The following TEAD3 variants were observed in gnomAD, a reference collection of about 807,000 sequenced individuals.
TEAD3 encodes the protein transcriptional enhancer factor TEF-5.
A neutral mutation model predicts 55.6 loss-of-function variants in TEAD3; 15 were observed. The ratio of observed to expected loss-of-function variants is 0.27; its 90% CI spans 0.18 to 0.42. The LOEUF (loss-of-function observed/expected upper bound fraction) is 0.42. TEAD3 is among the 10% of genes least tolerant of loss of function. The pLI, the probability that TEAD3 is intolerant of heterozygous loss-of-function variation, is 1.00. For missense variants in TEAD3, 407 were observed against 576.8 expected (o/e 0.71, Z 3.01); for synonymous variants, 210 against 232.2 (o/e 0.90, Z 0.87).
rs1296810993 is a variant in TEAD3, at chr6:35,488,454, C to T, written c.-49-1743G>A. On this transcript the variant is annotated intron_variant, in intron 1 of 12. Coordinates refer to ENST00000639578, the Ensembl canonical transcript of TEAD3. The surrounding 1 kb of genome is among the most constrained non-coding windows in gnomAD (Gnocchi z 4.2). ...TCCAATGTATTCAGGGTCCTGGAAA[C>T]CTAAGAGCCCATGATGGCTGGATCC... Among the ~76,000 whole-genome samples, 1 of 152,084 alleles carries T rather than the reference C, an allele frequency of 6.6e-6. No homozygotes were observed. Among genetic ancestry groups the T allele is most frequent in the Non-Finnish European group, 1.5e-5 (1 of 68,030 alleles).
In TEAD3 at chr6:35,475,931, A is replaced by G; in HGVS notation, c.888T>C (p.Leu296=). 3.3e-6 allele frequency: 5 copies of G among 1,530,880 alleles called. No homozygotes were observed. Among genetic ancestry groups the G allele is most frequent in the Non-Finnish European group, 4.4e-6 (5 of 1,141,628 alleles). 94.8% of individuals were successfully genotyped at this position (1,530,880 alleles called of 1,614,324 possible). A position where few individuals can be genotyped will look rare whatever the true frequency, so the allele number is the denominator to read the frequency against. ...CAGGGGGACTCACCCAGAACTTGAC[A>G]AGGAAGAAGGCATTAGGGGGCCCCT... The change falls in exon 10 of 13, where the codon CTT becomes CTC. Residue 296 remains leucine, a synonymous_variant. Coordinates refer to ENST00000639578, the Ensembl canonical transcript of TEAD3. This position sits in a 1 kb window ranked among gnomAD's most constrained non-coding sequence, Gnocchi z 5.4.
chr6:35,495,862 A>T (rs1243065405), intron 1 of TEAD3, among the ~76,000 whole-genome samples: 1 of 152,208 alleles, frequency 6.6e-6, no homozygotes, highest in African/African-American at 2.4e-5. Context: ...CAACAAGTCC[A>T]GGCCTGACCT....
intron 1 of TEAD3, among the ~76,000 whole-genome samples, chr6:35,489,120 T>C (rs1193494329): frequency 6.6e-6 from 1 of 152,232 alleles, no homozygotes; most frequent in African/African-American, 2.4e-5. Flanking sequence ...TTGTAATTAT[T>C]CTAAACTATT....
rs9470039 is a variant in TEAD3 at position 35,481,458 on chromosome 6, C to T, written c.268-1336G>A. 5.4e-3 allele frequency among the ~76,000 whole-genome samples: 829 copies of T among 152,260 alleles called. 5 individuals carry two copies. Among genetic ancestry groups the T allele is most frequent in the African/African-American group, 0.017 (689 of 41,536 alleles). On this transcript the variant is annotated intron_variant, in intron 3 of 12. Transcript: ENST00000639578. ...CTGACAGTGAGTAAGTATGTGATAC[C>T]ACCTGGTTAGGACCTGGGTGGGTGC...
chr6:35,478,856 T>C (rs1306831067), intron 5 of TEAD3, among the ~76,000 whole-genome samples: 1 of 151,600 alleles, frequency 6.6e-6, no homozygotes, highest in Non-Finnish European at 1.5e-5. Context: ...TCTTACTGTA[T>C]GTCATGTACT....
chr6:35,480,295 C>T lies in TEAD3; in HGVS notation c.268-173G>A, dbSNP rs748382382. ...GGCCCAGGAGGGCTGAAGGCCCCCG[C>T]CAGGCACCCAACATACCTTGATGCC... On this transcript the variant is annotated intron_variant, in intron 3 of 12. Transcript: ENST00000639578. The T allele has an allele frequency of 6.2e-7, 1 of 1,613,036 alleles. No individual in the cohort carries two copies.
chr6:35,478,353 C>T (rs1041273827), intron 6 of TEAD3, 29 bp from the exon 7 acceptor site: 2 of 1,613,648 alleles, frequency 1.2e-6, no homozygotes, highest in African/African-American at 2.7e-5. Context: ...GCCCAGGGGC[C>T]CCTCAGCATC....
Position 35,483,281 on chromosome 6 carries a change from G to C in TEAD3, c.267+1279C>G, listed in dbSNP as rs1454431006. On this transcript the variant is annotated intron_variant, in intron 3 of 12. Coordinates refer to ENST00000639578, the Ensembl canonical transcript of TEAD3. The surrounding 1 kb of genome is among the most constrained non-coding windows in gnomAD (Gnocchi z 4.5). ...AGAACCTTCCTTTGAGAAAGAGGTG[G>C]AACAGGCCAGACTTGACATATGCAC... is the stretch of plus-strand genomic sequence containing the variant. 2.6e-5 allele frequency among the ~76,000 whole-genome samples: 4 copies of C among 152,166 alleles called. No homozygotes were observed. Among genetic ancestry groups the C allele is most frequent in the African/African-American group, 7.2e-5 (3 of 41,430 alleles).
Position 35,483,286 on chromosome 6 carries a change from G to C in TEAD3, c.267+1274C>G, listed in dbSNP as rs1768299088. ...CTTCCTTTGAGAAAGAGGTGGAACA[G>C]GCCAGACTTGACATATGCACCATGG... On this transcript the variant is annotated intron_variant, in intron 3 of 12. Transcript: ENST00000639578. This position sits in a 1 kb window ranked among gnomAD's most constrained non-coding sequence, Gnocchi z 4.5. 6.6e-6 allele frequency among the ~76,000 whole-genome samples: 1 copy of C among 152,186 alleles called. No homozygotes were observed. Among genetic ancestry groups the C allele is most frequent in the Non-Finnish European group, 1.5e-5 (1 of 68,026 alleles).
At chr6:35,478,308 G>C (rs1404259996) in exon 7 of TEAD3, 2 of 1,613,810 alleles carry the variant, frequency 1.2e-6, no homozygotes, top group Non-Finnish European at 1.7e-6. Context: ...TCCCAGGAGA[G>C]GGGGGCTGCT....
intron 1 of TEAD3, among the ~76,000 whole-genome samples, chr6:35,490,428 C>A (rs925482278): frequency 6.6e-6 from 1 of 152,160 alleles, no homozygotes; most frequent in Non-Finnish European, 1.5e-5. Flanking sequence ...TAGACGCATG[C>A]GAGACTCACT....
chr6:35,485,154 A>G lies in TEAD3; in HGVS notation c.203-530T>C, dbSNP rs112709229. 0.014 allele frequency among the ~76,000 whole-genome samples: 2,164 copies of G among 152,268 alleles called. 59 individuals are homozygous for G. Among genetic ancestry groups the G allele is most frequent in the African/African-American group, 0.046 (1,915 of 41,538 alleles). On this transcript the variant is annotated intron_variant, in intron 2 of 12. Transcript: ENST00000639578. This position sits in a 1 kb window ranked among gnomAD's most constrained non-coding sequence, Gnocchi z 4.3. ...GGTCAAGTCCCTTCCCTTCTCTGGT[A>G]AAAGACCAGGAAGGACAGGAAGGCA...
chr6:35,476,161 C>G (rs994733250), intron 9 of TEAD3, 69 bp from the exon 10 acceptor site: 2 of 1,529,350 alleles, frequency 1.3e-6, no homozygotes, highest in African/African-American at 1.4e-5. Context: ...GGGAAGGGAG[C>G]ACTGCACAGG....
intron 1 of TEAD3, among the ~76,000 whole-genome samples, chr6:35,492,042 G>C (rs1186555609): frequency 6.6e-6 from 1 of 152,196 alleles, no homozygotes; most frequent in African/African-American, 2.4e-5. Flanking sequence ...GGCACCTCCT[G>C]TCTTACCCCT....
chr6:35,489,539 G>A (rs1768461155), intron 1 of TEAD3, among the ~76,000 whole-genome samples: 2 of 152,140 alleles, frequency 1.3e-5, no homozygotes, highest in African/African-American at 4.8e-5. Flanking sequence ...CCCTTTCTGT[G>A]ATGCCTCCAG....
In TEAD3 at chr6:35,486,495, C is replaced by T. The variant is rs1268617013; in HGVS notation, c.168G>A (p.Arg56=). The change falls in exon 2 of 13, where the codon CGG becomes CGA. Residue 56 remains arginine, a synonymous_variant. Transcript: ENST00000639578. The surrounding 1 kb of genome is among the most constrained non-coding windows in gnomAD (Gnocchi z 7.3). Reference sequence around the variant, plus strand: ...TGCCCTCGTCTGACAGGATGATCTTCCGCCGGCCGCAGGGCGGGTAGATGG... The same window carrying T: ...TGCCCTCGTCTGACAGGATGATCTTTCGCCGGCCGCAGGGCGGGTAGATGG... The T allele has an allele frequency of 6.2e-7, 1 of 1,613,396 alleles. No homozygotes were observed. The highest frequency in any genetic ancestry group is 8.5e-7 in the Non-Finnish European group (1 of 1,179,710).
Position 35,476,296 on chromosome 6 carries a change from C to T in TEAD3, c.726+6G>A. 1.2e-6 allele frequency: 2 copies of T among 1,611,554 alleles called. No homozygotes were observed. The highest frequency in any genetic ancestry group is 1.1e-5 in the South Asian group (1 of 90,962). On this transcript the variant is annotated splice_donor_region_variant and intron_variant, in intron 9 of 12. Transcript: ENST00000639578. ...AAAGCCTCACCCTCACCCCCAAACA[C>T]GTTACCGTGTCAGGGTCTCGCTGCA...
chr6:35,482,502 C>T (rs972689491), intron 3 of TEAD3, among the ~76,000 whole-genome samples: 1 of 152,152 alleles, frequency 6.6e-6, no homozygotes, highest in Non-Finnish European at 1.5e-5. Context: ...TTTGTAAAAG[C>T]TCTTTTCTGG....
chr6:35,477,506 C>A (rs1768175878), intron 7 of TEAD3, 134 bp from the exon 8 acceptor site: 3 of 750,976 alleles, frequency 4.0e-6, no homozygotes, highest in Non-Finnish European at 6.4e-6. Flanking sequence ...TGCTGAAAAG[C>A]TAACTCGCAA....
Sources: gnomAD v4.1 joint callset for allele counts (sites outside exome capture counted in the v4.1 genomes callset) on GRCh38, gnomAD v4.1.1 for gene constraint, Gnocchi (gnomAD v3.1) non-coding constraint, MANE v1.5 for transcripts, NCBI Gene and HGNC (gene_info 2026-07-23, HGNC 2026-07-21) for gene names.